SLC16A10: variants seen among roughly 807,000 people sequenced by gnomAD.
The protein encoded by SLC16A10 is solute carrier family 16 member 10.
A neutral mutation model predicts 40.0 loss-of-function variants in SLC16A10; 27 were observed. That is an observed-to-expected ratio of 0.67 (90% CI 0.50 to 0.93). SLC16A10 has a LOEUF of 0.93. Ranked by LOEUF, SLC16A10 falls within the 40% of genes least tolerant of loss-of-function variation. The pLI is 0.00. For synonymous variants in SLC16A10, 213 were observed against 249.8 expected, an observed-to-expected ratio of 0.85 and a Z score of 1.39; for missense variants, 529 against 658.2, an observed-to-expected ratio of 0.80 and a Z score of 2.15.
In SLC16A10 at chr6:111,088,064, C is replaced by A. The variant is rs753886497; in HGVS notation, c.312C>A (p.Ser104=). ...LFVSMLETFG[S]KDDDKMVFKT... is the part of the protein sequence containing the mutation. ...TGTCCATGCTGGAAACCTTCGGCTC[C>A]AAAGACGATGACAAGATGGTCTTTA... The change falls in exon 1 of 6, where the codon TCC becomes TCA. Residue 104 remains serine, a synonymous_variant. Transcript: ENST00000368851. 11 of 1,608,506 alleles carry A rather than the reference C, an allele frequency of 6.8e-6. No individual in the cohort carries two copies. Among genetic ancestry groups the A allele is most frequent in the Non-Finnish European group, 9.3e-6 (11 of 1,177,636 alleles).
At chr6:111,129,016 A>G (rs1194124484) in intron 1 of SLC16A10, among the ~76,000 whole-genome samples, 1 of 151,956 alleles carries the variant, frequency 6.6e-6, no homozygotes, top group Non-Finnish European at 1.5e-5. Context: ...TCATTTTTAT[A>G]CACAGTTATA....
Position 111,087,555 on chromosome 6 carries a change from G to T in SLC16A10, c.-198G>T. On this transcript the variant is annotated 5_prime_UTR_variant, in exon 1 of 6. Transcript: ENST00000368851. ...AGGCTTCAGTGTCGATCCCCGAGGT[G>T]TTCGCGCGCGCCAGCTGTCCTCGCG... The T allele has an allele frequency of 4.5e-6, 1 of 221,260 alleles. No homozygotes were observed. The highest frequency in any genetic ancestry group is 8.7e-6 in the Non-Finnish European group (1 of 115,208). 13.7% of individuals were successfully genotyped at this position (221,260 alleles called of 1,614,324 possible).
chr6:111,162,586 G>A (rs1489782400), intron 1 of SLC16A10, among the ~76,000 whole-genome samples: 1 of 152,180 alleles, frequency 6.6e-6, no homozygotes, highest in Non-Finnish European at 1.5e-5. Flanking sequence ...CTCCAGTTGT[G>A]TCCTGTTGCA....
Position 111,177,534 on chromosome 6 carries a change from T to C in SLC16A10, c.811T>C (p.Phe271Leu). 1 of 1,613,416 alleles carries C rather than the reference T, an allele frequency of 6.2e-7. No homozygotes were observed. The change falls in exon 3 of 6, where the codon TTT becomes CTT. Residue 271 changes from phenylalanine (F) to leucine (L), a missense_variant. Phe to Leu is a conservative substitution (Grantham distance 22, BLOSUM62 0). Coordinates refer to ENST00000368851, the MANE Select transcript of SLC16A10 (RefSeq NM_018593.5). ...GAGTGGAGGTAGCGGATCCTCCCTC[T>C]TTTCCAGGAAAAAGTTCAGTCCTCC... The part of the protein sequence containing the change: ...KESGGSGSSL[F>L]SRKKFSPPKK...
At chr6:111,136,453 T>C (rs970118147) in intron 1 of SLC16A10, among the ~76,000 whole-genome samples, 7 of 152,216 alleles carry the variant, frequency 4.6e-5, no homozygotes, top group Admixed American at 1.3e-4. Flanking sequence ...GAACCTCTCA[T>C]GATGTGAACC....
At chr6:111,123,328 G>GA (rs1771617477) in intron 1 of SLC16A10, among the ~76,000 whole-genome samples, 1 of 152,198 alleles carries the variant, frequency 6.6e-6, no homozygotes, top group Admixed American at 6.5e-5. Context: ...TGCTTGCAAG[G>GA]AAGTCTCTTC....
At chr6:111,112,171 A>G (rs1403016382) in intron 1 of SLC16A10, among the ~76,000 whole-genome samples, 1 of 152,058 alleles carries the variant, frequency 6.6e-6, no homozygotes, top group African/African-American at 2.4e-5. Flanking sequence ...CTAGGACTAC[A>G]TGCATGCACC....
intron 1 of SLC16A10, among the ~76,000 whole-genome samples, chr6:111,110,876 A>G (rs1771372924): frequency 6.6e-6 from 1 of 152,174 alleles, no homozygotes; most frequent in East Asian, 1.9e-4. Flanking sequence ...CTTCTCTCAT[A>G]TAGTACTCAT....
At chr6:111,175,326 C>T (rs1315654280) in intron 2 of SLC16A10, among the ~76,000 whole-genome samples, 1 of 152,162 alleles carries the variant, frequency 6.6e-6, no homozygotes, top group Non-Finnish European at 1.5e-5. Flanking sequence ...AGTGCAAATA[C>T]CATCATAAAG....
chr6:111,227,355 C>A lies in SLC16A10; in HGVS notation c.*5120C>A, dbSNP rs1014067020. 6.6e-6 allele frequency: 1 copy of A among 152,138 alleles called. No homozygotes were observed. The highest frequency in any genetic ancestry group is 2.4e-5 in the African/African-American group (1 of 41,426). 9.4% of individuals were successfully genotyped at this position (152,138 alleles called of 1,614,324 possible). A position where few individuals can be genotyped will look rare whatever the true frequency, so the allele number is the denominator to read the frequency against. ...ATAAATATACTATAGAACAATAGGTCACGATTCTCAAGAACAAAGCCGAAT... is the reference window on the plus strand; with the variant it reads ...ATAAATATACTATAGAACAATAGGTAACGATTCTCAAGAACAAAGCCGAAT... On this transcript the variant is annotated 3_prime_UTR_variant, in exon 6 of 6. Coordinates refer to ENST00000368851, the MANE Select transcript of SLC16A10 (RefSeq NM_018593.5).
chr6:111,140,276 A>G (rs533278537), intron 1 of SLC16A10, among the ~76,000 whole-genome samples: 3 of 152,216 alleles, frequency 2.0e-5, no homozygotes, highest in African/African-American at 7.2e-5. Context: ...CAGCCCAGGC[A>G]ACATAGCAGA....
rs982449088 is a variant in SLC16A10, at chr6:111,229,191, A to G, written c.*6956A>G. On this transcript the variant is annotated 3_prime_UTR_variant, in exon 6 of 6. Coordinates refer to ENST00000368851, the MANE Select transcript of SLC16A10 (RefSeq NM_018593.5). The stretch of plus-strand genomic sequence containing the variant: ...ATTTTTCTTTTAAAAATATTAATAT[A>G]CAACACAATAGAAAATGTATACAGC... 1 of 152,142 alleles carries G rather than the reference A, an allele frequency of 6.6e-6. No individual in the cohort carries two copies. Among genetic ancestry groups the G allele is most frequent in the Admixed American group, 6.6e-5 (1 of 15,264 alleles). The allele number at this position is 152,142 out of a possible 1,614,324, so 9.4% of individuals were successfully genotyped here.
intron 1 of SLC16A10, among the ~76,000 whole-genome samples, chr6:111,131,509 G>A (rs376892382): frequency 2.6e-5 from 4 of 152,182 alleles, no homozygotes; most frequent in African/African-American, 7.2e-5. Flanking sequence ...CTTCCAAAGC[G>A]GTGAGTAATA....
chr6:111,172,057 A>G (rs1025421189), intron 1 of SLC16A10, among the ~76,000 whole-genome samples: 7 of 152,202 alleles, frequency 4.6e-5, no homozygotes, highest in Admixed American at 4.6e-4. Context: ...TTAAGTGCTT[A>G]TGTGCCAGAT....
chr6:111,102,345 T>C (rs2114443633), intron 1 of SLC16A10, among the ~76,000 whole-genome samples: 1 of 152,340 alleles, frequency 6.6e-6, no homozygotes, highest in East Asian at 1.9e-4. Context: ...TTTGGTTTTA[T>C]TTTTATTAGT....
intron 2 of SLC16A10, among the ~76,000 whole-genome samples, chr6:111,174,138 A>G (rs1399924877): frequency 1.3e-5 from 2 of 152,202 alleles, no homozygotes; most frequent in Non-Finnish European, 1.5e-5. Context: ...GCTCTGGCTA[A>G]CAGGAGGTGA....
chr6:111,203,169 C>G (rs1382886057), intron 3 of SLC16A10, among the ~76,000 whole-genome samples: 3 of 152,058 alleles, frequency 2.0e-5, no homozygotes, highest in Non-Finnish European at 4.4e-5. Flanking sequence ...AAAGTGCATG[C>G]CAGTCTCCAG....
chr6:111,172,694 G>A lies in SLC16A10; in HGVS notation c.344-1G>A. On this transcript the variant is annotated splice_acceptor_variant, in intron 1 of 5. Transcript: ENST00000368851. LOFTEE classifies it high-confidence loss of function. ...CCCCCACGCTTTCCCTTCTTTTACAGCATGGGTAGGTTCTCTCTCCATGGG... is the reference window on the plus strand; with the variant it reads ...CCCCCACGCTTTCCCTTCTTTTACAACATGGGTAGGTTCTCTCTCCATGGG... 6.2e-7 allele frequency: 1 copy of A among 1,612,490 alleles called. No homozygotes were observed.
intron 1 of SLC16A10, among the ~76,000 whole-genome samples, chr6:111,167,008 T>C (rs1772485088): frequency 6.6e-6 from 1 of 152,204 alleles, no homozygotes; most frequent in Non-Finnish European, 1.5e-5. Flanking sequence ...ACACAGGACA[T>C]TCTATCTGGT....
Sources: allele counts gnomAD v4.1 joint callset (sites outside exome capture counted in the v4.1 genomes callset), GRCh38; gene constraint gnomAD v4.1.1; transcripts MANE v1.5; gene names NCBI Gene and HGNC (gene_info 2026-07-23, HGNC 2026-07-21).